Variants in RNF152 observed in about 807,000 individuals in gnomAD.
RNF152 encodes ring finger protein 152, also known as E3 ubiquitin-protein ligase RNF152.
A neutral mutation model predicts 12.7 loss-of-function variants in RNF152; 11 were observed. The observed-to-expected ratio is 0.86, with a 90% CI of 0.54 to 1.43. RNF152 has a LOEUF of 1.43. RNF152 is among the 40% of genes most tolerant of loss of function. The pLI is 0.00. For synonymous variants in RNF152, 113 were observed against 120.3 expected (o/e 0.94, Z 0.40); for missense variants, 255 against 274.8 (o/e 0.93, Z 0.51).
At chr18:61,886,676 T>C (rs944123396) in intron 1 of RNF152, among the ~76,000 whole-genome samples, 1 of 152,194 alleles carries the variant, frequency 6.6e-6, no homozygotes, top group Non-Finnish European at 1.5e-5. Flanking sequence ...CTGGAACTCT[T>C]GGGAAATGTG....
At chr18:61,847,716 G>A (rs779892365) in intron 1 of RNF152, among the ~76,000 whole-genome samples, 20 of 152,124 alleles carry the variant, frequency 1.3e-4, no homozygotes, top group Non-Finnish European at 2.5e-4. Flanking sequence ...TCAAAGCTAA[G>A]ATTTCCAAAA....
chr18:61,817,732 T>A (rs887024250), intron 1 of RNF152, among the ~76,000 whole-genome samples: 4 of 136,120 alleles, frequency 2.9e-5, no homozygotes, highest in African/African-American at 1.1e-4. Context: ...CTGGCAAGCA[T>A]TCCTCATTGT....
intron 1 of RNF152, among the ~76,000 whole-genome samples, chr18:61,876,725 G>A (rs1912230096): frequency 6.6e-6 from 1 of 152,126 alleles, no homozygotes; most frequent in Middle Eastern, 3.2e-3. Context: ...ATATAATAGA[G>A]ACATTAATAG....
At chr18:61,883,207 A>C (rs1440807648) in intron 1 of RNF152, among the ~76,000 whole-genome samples, 1 of 152,154 alleles carries the variant, frequency 6.6e-6, no homozygotes, top group Non-Finnish European at 1.5e-5. Flanking sequence ...CAGCTTTCAA[A>C]AATATTTCTG....
At chr18:61,885,956 GT>G (rs1233139638) in intron 1 of RNF152, among the ~76,000 whole-genome samples, 1 of 140,088 alleles carries the variant, frequency 7.1e-6, no homozygotes, top group Non-Finnish European at 1.5e-5. Context: ...CCAAGTAGAG[GT>G]TTTTTTTCTT....
rs904144507 is a variant in RNF152 at position 61,808,179 on chromosome 18, C to T, written c.*7673G>A. The T allele has an allele frequency of 6.6e-6, 1 of 151,798 alleles. No homozygotes were observed. Among genetic ancestry groups the T allele is most frequent in the Non-Finnish European group, 1.5e-5 (1 of 67,972 alleles). 9.4% of individuals were successfully genotyped at this position (151,798 alleles called of 1,614,324 possible). A position where few individuals can be genotyped will look rare whatever the true frequency, so the allele number is the denominator to read the frequency against. ...GACACCAGTTTGGCATACAAAAATA[C>T]CATATATTAAAATTGGGTTCATTGG... On this transcript the variant is annotated 3_prime_UTR_variant, in exon 2 of 2. Coordinates refer to ENST00000312828, the MANE Select transcript of RNF152 (RefSeq NM_173557.3).
intron 1 of RNF152, among the ~76,000 whole-genome samples, chr18:61,836,971 G>T (rs1032674665): frequency 2.0e-5 from 3 of 152,166 alleles, no homozygotes; most frequent in African/African-American, 7.2e-5. Context: ...CTCACAGATT[G>T]CTTACTAAAT....
intron 1 of RNF152, among the ~76,000 whole-genome samples, chr18:61,842,538 T>C (rs1910500288): frequency 6.6e-6 from 1 of 152,212 alleles, no homozygotes; most frequent in Non-Finnish European, 1.5e-5. Flanking sequence ...TTCTCTGGCC[T>C]CTCTCTTCCT....
chr18:61,821,357 T>C (rs1301660615), intron 1 of RNF152, among the ~76,000 whole-genome samples: 2 of 152,218 alleles, frequency 1.3e-5, no homozygotes, highest in Non-Finnish European at 2.9e-5. Context: ...ATGCACTGAT[T>C]TGTTCTACAT....
intron 1 of RNF152, among the ~76,000 whole-genome samples, chr18:61,828,083 G>C (rs1909753264): frequency 6.6e-6 from 1 of 152,154 alleles, no homozygotes; most frequent in South Asian, 2.1e-4. Flanking sequence ...AACCAGTTTT[G>C]ACAAATGTAC....
chr18:61,823,425 A>G (rs1909511594), intron 1 of RNF152, among the ~76,000 whole-genome samples: 1 of 152,114 alleles, frequency 6.6e-6, no homozygotes, highest in African/African-American at 2.4e-5. Flanking sequence ...CCTCCTGAGT[A>G]GCTGGGATTA....
intron 1 of RNF152, among the ~76,000 whole-genome samples, chr18:61,819,436 A>G (rs1037203943): frequency 2.0e-5 from 3 of 152,196 alleles, no homozygotes; most frequent in South Asian, 2.1e-4. Context: ...GGAAAGACCT[A>G]TTGGGAGGCT....
chr18:61,815,678 T>G lies in RNF152; in HGVS notation c.*174A>C. The G allele has an allele frequency of 3.1e-6, 2 of 639,742 alleles. No homozygotes were observed. The highest frequency in any genetic ancestry group is 2.7e-5 in the East Asian group (1 of 36,394). The allele number at this position is 639,742 out of a possible 1,614,324, so 39.6% of individuals were successfully genotyped here. On this transcript the variant is annotated 3_prime_UTR_variant, in exon 2 of 2. Coordinates refer to ENST00000312828, the MANE Select transcript of RNF152 (RefSeq NM_173557.3). Reference sequence around the variant, plus strand: ...CAGAACAATTCACCTGGTATCTTGTTGAGACCGCACCTTCTGCCCTTTGTG... The same window carrying G: ...CAGAACAATTCACCTGGTATCTTGTGGAGACCGCACCTTCTGCCCTTTGTG...
chr18:61,886,626 G>C (rs1912711213), intron 1 of RNF152, among the ~76,000 whole-genome samples: 1 of 152,202 alleles, frequency 6.6e-6, no homozygotes, highest in Non-Finnish European at 1.5e-5. Flanking sequence ...CCTGCACTAA[G>C]CAGGTCCAGG....
In RNF152 at chr18:61,815,991, C is replaced by T. The variant is rs1479729972; in HGVS notation, c.473G>A (p.Arg158Gln). ...CCAGGTGGAGCTTTTCACCACGCCC[C>T]GCCTGTCCTGCTCCTCCTCCACCGC... ...QEAVEEEQDR[R>Q]GVVKSSTWSG... Residue 158 changes from arginine (R) to glutamine (Q), a missense_variant, in exon 2 of 2, where the codon CGG becomes CAG. Physicochemically the swap from Arg to Gln is conservative, Grantham distance 43. Coordinates refer to ENST00000312828, the MANE Select transcript of RNF152 (RefSeq NM_173557.3). The T allele has an allele frequency of 2.5e-5, 40 of 1,614,078 alleles. No homozygotes were observed. Among genetic ancestry groups the T allele is most frequent in the Non-Finnish European group, 3.0e-5 (35 of 1,180,040 alleles).
At chr18:61,839,139 A>C (rs1910327271) in intron 1 of RNF152, among the ~76,000 whole-genome samples, 1 of 151,970 alleles carries the variant, frequency 6.6e-6, no homozygotes, top group Non-Finnish European at 1.5e-5. Context: ...CGTTATCCCC[A>C]TATGCTCCAA....
At chr18:61,878,284 G>A (rs1054144898) in intron 1 of RNF152, among the ~76,000 whole-genome samples, 5 of 152,094 alleles carry the variant, frequency 3.3e-5, no homozygotes, top group African/African-American at 1.2e-4. Flanking sequence ...TAGAATCCAG[G>A]GATGCTACTA....
intron 1 of RNF152, among the ~76,000 whole-genome samples, chr18:61,829,387 G>GGT (rs1909825475): frequency 6.6e-6 from 1 of 152,280 alleles, no homozygotes; most frequent in African/African-American, 2.4e-5. Flanking sequence ...TAAAGCAGGG[G>GGT]GTGGTCCCAA....
chr18:61,867,179 G>A (rs532770551), intron 1 of RNF152, among the ~76,000 whole-genome samples: 7 of 152,154 alleles, frequency 4.6e-5, no homozygotes, highest in South Asian at 4.1e-4. Context: ...ATTGGGGACC[G>A]GGTGCGGTGG....
Sources: gnomAD v4.1 joint callset for allele counts (sites outside exome capture counted in the v4.1 genomes callset) on GRCh38, gnomAD v4.1.1 for gene constraint, MANE v1.5 for transcripts, NCBI Gene and HGNC (gene_info 2026-07-23, HGNC 2026-07-21) for gene names.